CMTM4: variants seen among roughly 807,000 people sequenced by gnomAD.
The protein encoded by CMTM4 is CKLF like MARVEL transmembrane domain containing 4, also known as CKLF-like MARVEL transmembrane domain-containing protein 4.
CMTM4 carries 8 observed loss-of-function variants against 19.0 expected under a neutral mutation model. The ratio of observed to expected loss-of-function variants is 0.42; its 90% CI spans 0.25 to 0.76. The LOEUF is 0.76. Ranked by LOEUF, CMTM4 falls within the 30% of genes least tolerant of loss-of-function variation. The probability of loss-of-function intolerance (pLI) is 0.27; values close to 1 mark genes in which losing one functional copy is unlikely to be tolerated. For missense variants in CMTM4, 228 were observed against 290.2 expected, an observed-to-expected ratio of 0.79 and a Z score of 1.56; for synonymous variants, 106 against 121.1, an observed-to-expected ratio of 0.88 and a Z score of 0.82.
intron 1 of CMTM4, among the ~76,000 whole-genome samples, chr16:66,679,588 C>T (rs946045269): frequency 1.1e-4 from 17 of 151,940 alleles, no homozygotes; most frequent in African/African-American, 4.1e-4. Flanking sequence ...GTTAGGGAGG[C>T]CGAGGTGGGC....
chr16:66,671,039 A>G (rs1567425946), intron 1 of CMTM4, among the ~76,000 whole-genome samples: 3 of 152,110 alleles, frequency 2.0e-5, no homozygotes, highest in African/African-American at 7.2e-5. Context: ...AGGGACACAA[A>G]TTTTTTTGTA....
At chr16:66,660,387 C>CAAAAAAAAAAAAAAAAAAAAAAAAAA (rs34266604) in intron 1 of CMTM4, among the ~76,000 whole-genome samples, 2 of 84,524 alleles carry the variant, frequency 2.4e-5, no homozygotes, top group Non-Finnish European at 2.3e-5. Flanking sequence ...GATCCTGTCT[C>CAAAAAAAAAAAAAAAAAAAAAAAAAA]AAAAAAAAAA....
intron 1 of CMTM4, among the ~76,000 whole-genome samples, chr16:66,694,627 C>A (rs1443507043): frequency 6.7e-6 from 1 of 149,716 alleles, no homozygotes; most frequent in African/African-American, 2.5e-5. Context: ...GCAGGAGAAT[C>A]GCTTGAACCC....
At position 66,619,609 on chromosome 16, in the gene CMTM4, T is replaced by C. The variant is rs2015592029; in HGVS notation, c.*2449A>G. ...GCATATAGAGGCAATATAAGAAAAA[T>C]ATAGGCGTCTTCATATTCACCTTGG... On this transcript the variant is annotated 3_prime_UTR_variant, in exon 4 of 4. Coordinates refer to ENST00000394106, the MANE Select transcript of CMTM4 (RefSeq NM_181521.3). 3 of 985,132 alleles carry C rather than the reference T, an allele frequency of 3.0e-6. No homozygotes were observed. Among genetic ancestry groups the C allele is most frequent in the Non-Finnish European group, 3.6e-6 (3 of 829,920 alleles). The allele number at this position is 985,132 out of a possible 1,614,324, so 61.0% of individuals were successfully genotyped here. A position where few individuals can be genotyped will look rare whatever the true frequency, so the allele number is the denominator to read the frequency against.
chr16:66,599,227 T>C, the CMTM4 span, among the ~76,000 whole-genome samples: 1 of 151,794 alleles, frequency 6.6e-6, no homozygotes, highest in Non-Finnish European at 1.5e-5. Flanking sequence ...GAGGCAGAGG[T>C]TGCATTGAGC....
intron 1 of CMTM4, among the ~76,000 whole-genome samples, chr16:66,652,441 C>T (rs1007842096): frequency 6.6e-6 from 1 of 152,236 alleles, no homozygotes; most frequent in African/African-American, 2.4e-5. Flanking sequence ...AAGGCCTATT[C>T]AATCAGTGTC....
chr16:66,600,375 C>T, the CMTM4 span, among the ~76,000 whole-genome samples: 1 of 152,038 alleles, frequency 6.6e-6, no homozygotes, highest in African/African-American at 2.4e-5. Context: ...CAACTCCTGA[C>T]CTCAGGTGAT....
rs757805358 is a variant in CMTM4 at position 66,617,470 on chromosome 16, A to G, written c.*4588T>C. On this transcript the variant is annotated 3_prime_UTR_variant, in exon 4 of 4. Transcript: ENST00000394106. The stretch of plus-strand genomic sequence containing the variant: ...AATAGGACCCACTCCGCTTCAAGCT[A>G]AAGAGTGTACAAAATGCCACTCACT... 226 of 1,470,470 alleles carry G rather than the reference A, an allele frequency of 1.5e-4. No homozygotes were observed. The highest frequency in any genetic ancestry group is 1.9e-4 in the Non-Finnish European group (216 of 1,115,168). The allele number at this position is 1,470,470 out of a possible 1,614,324, so 91.1% of individuals were successfully genotyped here. A position where few individuals can be genotyped will look rare whatever the true frequency, so the allele number is the denominator to read the frequency against.
intron 1 of CMTM4, among the ~76,000 whole-genome samples, chr16:66,642,882 T>C (rs1217978458): frequency 6.6e-6 from 1 of 152,222 alleles, no homozygotes; most frequent in East Asian, 1.9e-4. Context: ...ACTCTAACTT[T>C]CTGTCACAGC....
At chr16:66,606,998 G>A in the CMTM4 span, among the ~76,000 whole-genome samples, 1 of 152,182 alleles carries the variant, frequency 6.6e-6, no homozygotes. Context: ...CATCTCTGGG[G>A]CGGAGGTAAG....
At chr16:66,678,924 G>A (rs535086480) in intron 1 of CMTM4, among the ~76,000 whole-genome samples, 8 of 151,976 alleles carry the variant, frequency 5.3e-5, no homozygotes, top group East Asian at 3.9e-4. Context: ...GCAACATGGC[G>A]AAACCCCATC....
chr16:66,618,033 C>T lies in CMTM4; in HGVS notation c.*4025G>A. 1 of 985,634 alleles carries T rather than the reference C, an allele frequency of 1.0e-6. No individual in the cohort carries two copies. The highest frequency in any genetic ancestry group is 1.1e-4 in the East Asian group (1 of 8,826). The allele number at this position is 985,634 out of a possible 1,614,324, so 61.1% of individuals were successfully genotyped here. On this transcript the variant is annotated 3_prime_UTR_variant, in exon 4 of 4. Coordinates refer to ENST00000394106, the MANE Select transcript of CMTM4 (RefSeq NM_181521.3). ...TTCCTCCCTTATCTCCCAGACCTGG[C>T]CGTGTGTGGACCTCACCAGCCTACC...
intron 1 of CMTM4, among the ~76,000 whole-genome samples, chr16:66,694,082 GAAAGAGA>G (rs1276687454): frequency 2.6e-5 from 4 of 151,556 alleles, no homozygotes; most frequent in African/African-American, 9.7e-5. Context: ...GCGAGGGAGA[GAAAGAGA>G]AAAGAGAAAA....
chr16:66,614,697 C>T (rs530168638), downstream of CMTM4: 7 of 152,256 alleles, frequency 4.6e-5, no homozygotes, highest in South Asian at 2.1e-4. This position sits in a 1 kb window ranked among gnomAD's most constrained non-coding sequence, Gnocchi z 4.9. Flanking sequence ...GAACTGGATC[C>T]GTAACGTTTA....
chr16:66,608,037 G>A, the CMTM4 span, among the ~76,000 whole-genome samples: 1 of 152,122 alleles, frequency 6.6e-6, no homozygotes, highest in Non-Finnish European at 1.5e-5. This position sits in a 1 kb window ranked among gnomAD's most constrained non-coding sequence, Gnocchi z 5.1. Context: ...GCCGAGATGA[G>A]GTTTTGCCAT....
chr16:66,688,449 G>C (rs1188522330), intron 1 of CMTM4, among the ~76,000 whole-genome samples: 1 of 151,986 alleles, frequency 6.6e-6, no homozygotes, highest in Non-Finnish European at 1.5e-5. Context: ...TGTGGCCTGA[G>C]TGAACAAGTA....
chr16:66,683,175 ACATATG>A (rs1431067907), intron 1 of CMTM4, among the ~76,000 whole-genome samples: 82 of 82,720 alleles, frequency 9.9e-4, no homozygotes, highest in African/African-American at 2.3e-3. Flanking sequence ...ATATATATAT[ACATATG>A]TATATATATA....
chr16:66,696,348 C>T lies in CMTM4; in HGVS notation c.178G>A (p.Ala60Thr). 1 of 1,409,248 alleles carries T rather than the reference C, an allele frequency of 7.1e-7. No individual in the cohort carries two copies. 87.3% of individuals were successfully genotyped at this position (1,409,248 alleles called of 1,614,324 possible). A position where few individuals can be genotyped will look rare whatever the true frequency, so the allele number is the denominator to read the frequency against. Reference protein sequence around the residue: ...LRGALGRLKVAQVILALIAFI... With the variant: ...LRGALGRLKVTQVILALIAFI... ...CCCCGCCCGGCACCTACCACTTGGG[C>T]GACCTTGAGGCGGCCGAGCGCGCCG... Residue 60 changes from alanine to threonine, a missense_variant, in exon 1 of 4, where the codon GCC becomes ACC. Physicochemically the swap from Ala to Thr is moderately conservative, Grantham distance 58 (BLOSUM62 0). This residue lies in a region of CMTM4 where 200 missense variants were observed against 226.6 expected (regional missense o/e 0.88). Transcript: ENST00000394106. The surrounding 1 kb of genome is among the most constrained non-coding windows in gnomAD (Gnocchi z 4.3).
chr16:66,600,136 G>GGGGGGGGGGT, the CMTM4 span, among the ~76,000 whole-genome samples: 1 of 135,154 alleles, frequency 7.4e-6, no homozygotes, highest in African/African-American at 2.9e-5. Flanking sequence ...GTGTGTGTGT[G>GGGGGGGGGGT]TTTTTTTTTG....
Sources: gnomAD v4.1 joint callset for allele counts (sites outside exome capture counted in the v4.1 genomes callset) on GRCh38, gnomAD v4.1.1 for gene constraint, gnomAD v4.1.1 regional missense constraint, Gnocchi (gnomAD v3.1) non-coding constraint, MANE v1.5 for transcripts, NCBI Gene and HGNC (gene_info 2026-07-23, HGNC 2026-07-21) for gene names.